The following SPRTN variants were observed in gnomAD, a reference collection of about 807,000 sequenced individuals.
SPRTN encodes DNA-dependent metalloprotease SPRTN.
In SPRTN, 11 loss-of-function variants were observed where a neutral mutation model predicts 31.9. The ratio of observed to expected loss-of-function variants is 0.34; its 90% CI spans 0.22 to 0.57. The LOEUF is 0.57. Ranked by LOEUF, SPRTN falls within the 20% of genes least tolerant of loss-of-function variation. SPRTN has a pLI of 0.86. For missense variants in SPRTN, 482 were observed against 590.1 expected (o/e 0.82, Z 1.90); for synonymous variants, 185 against 212.1 (o/e 0.87, Z 1.11).
chr1:231,353,552 A>G lies in SPRTN; in HGVS notation c.*191A>G, dbSNP rs1055174440. 5 of 1,302,312 alleles carry G rather than the reference A, an allele frequency of 3.8e-6. No homozygotes were observed. Among genetic ancestry groups the G allele is most frequent in the Admixed American group, 7.4e-5 (2 of 26,892 alleles). The allele number at this position is 1,302,312 out of a possible 1,614,324, so 80.7% of individuals were successfully genotyped here. On this transcript the variant is annotated 3_prime_UTR_variant, in exon 5 of 5. Coordinates refer to ENST00000295050, the MANE Select transcript of SPRTN (RefSeq NM_032018.7). The stretch of plus-strand genomic sequence containing the variant: ...AAGATGTTTTGTGTCTCAGGGTGCT[A>G]CATTCACTCTTGCCTTAGGTATACT...
chr1:231,339,576 G>C (rs939997398), intron 1 of SPRTN, 193 bp from the exon 2 acceptor site: 1 of 752,062 alleles, frequency 1.3e-6, no homozygotes, highest in Non-Finnish European at 2.3e-6. Flanking sequence ...GGCGGGGATC[G>C]GAGCCATCGC....
intron 2 of SPRTN, among the ~76,000 whole-genome samples, chr1:231,347,167 C>A (rs1322456268): frequency 6.6e-6 from 1 of 152,160 alleles, no homozygotes; most frequent in African/African-American, 2.4e-5. Flanking sequence ...GTTATTCTTA[C>A]AGGTGGAGCA....
chr1:231,354,703 T>G lies in SPRTN; in HGVS notation c.*1342T>G, dbSNP rs1687341253. On this transcript the variant is annotated 3_prime_UTR_variant, in exon 5 of 5. Coordinates refer to ENST00000295050, the MANE Select transcript of SPRTN (RefSeq NM_032018.7). ...TGCATTTGTATGAATATACTAGAAT[T>G]TATTCATCCATTCTAATGTTAATGG... The G allele has an allele frequency of 6.6e-6, 1 of 152,508 alleles. No individual in the cohort carries two copies. Among genetic ancestry groups the G allele is most frequent in the African/African-American group, 2.4e-5 (1 of 41,468 alleles). The allele number at this position is 152,508 out of a possible 1,614,324, so 9.4% of individuals were successfully genotyped here.
chr1:231,354,879 C>A lies in SPRTN; in HGVS notation c.*1518C>A. 1 of 395,782 alleles carries A rather than the reference C, an allele frequency of 2.5e-6. No individual in the cohort carries two copies. The highest frequency in any genetic ancestry group is 3.4e-6 in the Non-Finnish European group (1 of 291,344). The allele number at this position is 395,782 out of a possible 1,614,324, so 24.5% of individuals were successfully genotyped here. On this transcript the variant is annotated 3_prime_UTR_variant, in exon 5 of 5. Coordinates refer to ENST00000295050, the MANE Select transcript of SPRTN (RefSeq NM_032018.7). ...TTAGTAAATTCTGCCAGTTTACACT[C>A]CTACCAGCAATGTATGAGAGTTTTA...
At position 231,354,554 on chromosome 1, in the gene SPRTN, C is replaced by A. The variant is rs1170486378; in HGVS notation, c.*1193C>A. ...TATAGGTGTCTGTTCCCAGTTGATA[C>A]CCATGACCCTCACCACCTCCAGAGG... On this transcript the variant is annotated 3_prime_UTR_variant, in exon 5 of 5. Coordinates refer to ENST00000295050, the MANE Select transcript of SPRTN (RefSeq NM_032018.7). 2 of 207,044 alleles carry A rather than the reference C, an allele frequency of 9.7e-6. No individual in the cohort carries two copies. Among genetic ancestry groups the A allele is most frequent in the Non-Finnish European group, 1.7e-5 (2 of 118,290 alleles). The allele number at this position is 207,044 out of a possible 1,614,324, so 12.8% of individuals were successfully genotyped here. A position where few individuals can be genotyped will look rare whatever the true frequency, so the allele number is the denominator to read the frequency against.
Position 231,347,463 on chromosome 1 carries a change from G to A in SPRTN, c.322-334G>A, listed in dbSNP as rs376059114. ...CAGCGTCAACCTCCCCAGGCTCAGA[G>A]GATCCTCCCACCTCAGCCTCCTGAG... On this transcript the variant is annotated intron_variant, in intron 2 of 4. Transcript: ENST00000295050. Among the ~76,000 whole-genome samples, 42 of 152,232 alleles carry A rather than the reference G, an allele frequency of 2.8e-4. No individual in the cohort carries two copies. The South Asian group carries it at 8.3e-3, about 30-fold the overall frequency.
chr1:231,349,015 A>C (rs573163435), intron 3 of SPRTN, among the ~76,000 whole-genome samples: 54 of 152,206 alleles, frequency 3.5e-4, no homozygotes, highest in Non-Finnish European at 6.2e-4. Context: ...TCTGTTGCCC[A>C]GGCTGGATGC....
intron 2 of SPRTN, 120 bp from the exon 3 acceptor site, chr1:231,347,677 A>T (rs746865936): frequency 7.5e-6 from 9 of 1,198,520 alleles, no homozygotes; most frequent in Non-Finnish European, 1.0e-5. Context: ...AATGAGTTTT[A>T]TCAGTTCTGA....
intron 2 of SPRTN, among the ~76,000 whole-genome samples, chr1:231,345,719 AATGTTTATTTTCCCTTAGCT>A (rs1266182500): frequency 2.0e-5 from 3 of 152,194 alleles, no homozygotes; most frequent in Non-Finnish European, 4.4e-5. Context: ...AGTATATAGG[AATGTTTATTTTCCCTTAGCT>A]TTACTAATGG....
chr1:231,353,098 A>G lies in SPRTN; in HGVS notation c.1207A>G (p.Thr403Ala), dbSNP rs1558369076. ...CCAGGATGTGAGTGGGTCTGAAGATACATTCCCAAATAAACGACCTAGGCT... is the reference window on the plus strand; with the variant it reads ...CCAGGATGTGAGTGGGTCTGAAGATGCATTCCCAAATAAACGACCTAGGCT... ...PSQDVSGSEDTFPNKRPRLED... is the reference protein window; with the variant it reads ...PSQDVSGSEDAFPNKRPRLED... Residue 403 changes from threonine (T) to alanine (A), a missense_variant, in exon 5 of 5, where the codon ACA becomes GCA. Physicochemically the swap from Thr to Ala is moderately conservative, Grantham distance 58. This residue lies in a region of SPRTN where 325 missense variants were observed against 350.2 expected (regional missense o/e 0.93). Transcript: ENST00000295050. 6.2e-7 allele frequency: 1 copy of G among 1,613,850 alleles called. No homozygotes were observed. Among genetic ancestry groups the G allele is most frequent in the East Asian group, 2.2e-5 (1 of 44,884 alleles).
chr1:231,350,408 C>CT (rs1009092476), intron 3 of SPRTN, among the ~76,000 whole-genome samples: 25 of 152,220 alleles, frequency 1.6e-4, no homozygotes, highest in African/African-American at 5.5e-4. Context: ...TCAAATGGTG[C>CT]TCTATAGTCT....
At chr1:231,350,653 A>C (rs1687195383) in intron 3 of SPRTN, among the ~76,000 whole-genome samples, 1 of 152,158 alleles carries the variant, frequency 6.6e-6, no homozygotes, top group African/African-American at 2.4e-5. Context: ...GGGACACAAA[A>C]AATTAAAACA....
In SPRTN at chr1:231,353,909, T is replaced by G; in HGVS notation, c.*548T>G. The G allele has an allele frequency of 1.1e-6, 1 of 943,594 alleles. No homozygotes were observed. The highest frequency in any genetic ancestry group is 1.3e-6 in the Non-Finnish European group (1 of 791,736). 58.5% of individuals were successfully genotyped at this position (943,594 alleles called of 1,614,324 possible). ...AACAGGAACTGTATTTTCTATATTT[T>G]AAAGAATTTTATTTGTCCCACTTTT... On this transcript the variant is annotated 3_prime_UTR_variant, in exon 5 of 5. Transcript: ENST00000295050.
chr1:231,353,911 A>T lies in SPRTN; in HGVS notation c.*550A>T. The T allele has an allele frequency of 1.1e-6, 1 of 944,512 alleles. No individual in the cohort carries two copies. Among genetic ancestry groups the T allele is most frequent in the Non-Finnish European group, 1.3e-6 (1 of 792,626 alleles). The allele number at this position is 944,512 out of a possible 1,614,324, so 58.5% of individuals were successfully genotyped here. Reference sequence around the variant, plus strand: ...CAGGAACTGTATTTTCTATATTTTAAAGAATTTTATTTGTCCCACTTTTAC... The same window carrying T: ...CAGGAACTGTATTTTCTATATTTTATAGAATTTTATTTGTCCCACTTTTAC... On this transcript the variant is annotated 3_prime_UTR_variant, in exon 5 of 5. Coordinates refer to ENST00000295050, the MANE Select transcript of SPRTN (RefSeq NM_032018.7).
intron 2 of SPRTN, among the ~76,000 whole-genome samples, chr1:231,346,317 T>C (rs1049914326): frequency 6.6e-6 from 1 of 150,976 alleles, no homozygotes; most frequent in Non-Finnish European, 1.5e-5. Context: ...GCCTCCTGAG[T>C]ATACTGCTCG....
intron 1 of SPRTN, chr1:231,339,300 G>T: frequency 3.4e-6 from 1 of 291,074 alleles, no homozygotes; most frequent in Non-Finnish European, 6.6e-6. Context: ...TGATTTTGGA[G>T]ATATGCTACT....
chr1:231,341,072 T>C (rs959238720), intron 2 of SPRTN, among the ~76,000 whole-genome samples: 18 of 151,800 alleles, frequency 1.2e-4, no homozygotes, highest in Admixed American at 5.9e-4. Flanking sequence ...ACTTGATTAA[T>C]GAAAAAGAAC....
Position 231,353,099 on chromosome 1 carries a change from C to G in SPRTN, c.1208C>G (p.Thr403Arg), listed in dbSNP as rs149424944. Residue 403 changes from threonine to arginine, a missense_variant, in exon 5 of 5, where the codon ACA becomes AGA. Physicochemically the swap from Thr to Arg is moderately conservative, Grantham distance 71. Transcript: ENST00000295050. ...PSQDVSGSED[T>R]FPNKRPRLED... ...CAGGATGTGAGTGGGTCTGAAGATA[C>G]ATTCCCAAATAAACGACCTAGGCTA... is the stretch of plus-strand genomic sequence containing the variant. 9 of 1,613,682 alleles carry G rather than the reference C, an allele frequency of 5.6e-6. No homozygotes were observed. In the African/African-American group the frequency reaches 1.2e-4, roughly 22 times the overall value.
chr1:231,342,508 G>A (rs1038254629), intron 2 of SPRTN, among the ~76,000 whole-genome samples: 2 of 150,912 alleles, frequency 1.3e-5, no homozygotes, highest in African/African-American at 2.4e-5. Flanking sequence ...TCGGCTCACT[G>A]CAGCCTCCGC....
Sources: allele counts gnomAD v4.1 joint callset (sites outside exome capture counted in the v4.1 genomes callset), GRCh38; gene constraint gnomAD v4.1.1; regional missense constraint gnomAD v4.1.1; transcripts MANE v1.5; gene names NCBI Gene and HGNC (gene_info 2026-07-23, HGNC 2026-07-21).